DEFB134: variants seen among roughly 807,000 people sequenced by gnomAD.
DEFB134 encodes beta-defensin 134.
A neutral mutation model predicts 7.4 loss-of-function variants in DEFB134; 7 were observed. The ratio of observed to expected loss-of-function variants is 0.95; its 90% CI spans 0.54 to 1.79. The LOEUF (loss-of-function observed/expected upper bound fraction) is 1.79. Ranked by LOEUF, DEFB134 falls within the 40% of genes most tolerant of loss-of-function variation. DEFB134 has a pLI of 0.00. For synonymous variants in DEFB134, 33 were observed against 25.0 expected (o/e 1.32, Z -0.96); for missense variants, 105 against 74.8 (o/e 1.40, Z -1.49).
At chr8:11,996,401 C>A, upstream of DEFB134, 3 of 669,740 alleles carry the variant, frequency 4.5e-6, no homozygotes, top group South Asian at 2.6e-5. Context: ...CTGAACACCC[C>A]TGAGGCAGCC....
At chr8:11,999,053 A>G (rs940996082), upstream of DEFB134, 1 of 153,800 alleles carries the variant, frequency 6.5e-6, no homozygotes, top group Non-Finnish European at 1.5e-5. Context: ...AAAACCTACC[A>G]AACAGAAAAA....
At chr8:11,993,908 A>C in exon 2 of DEFB134, 1 of 1,562,690 alleles carries the variant, frequency 6.4e-7, no homozygotes, top group Non-Finnish European at 8.6e-7. Flanking sequence ...GTTTGATCTA[A>C]ATTCCCTGGT....
At chr8:11,993,719 C>G (rs112656470) in exon 2 of DEFB134, 5 of 349,284 alleles carry the variant, frequency 1.4e-5, no homozygotes, top group Non-Finnish European at 2.5e-5. Flanking sequence ...GAAACAGGTG[C>G]TGATGAGCAC....
chr8:12,000,021 T>A (rs368913255), upstream of DEFB134, among the ~76,000 whole-genome samples: 3 of 152,244 alleles, frequency 2.0e-5, no homozygotes, highest in African/African-American at 7.2e-5. Context: ...TGATCTGTGG[T>A]TGTTCTGCAA....
At chr8:11,993,944 G>A (rs923669300) in exon 2 of DEFB134, 1 of 1,600,966 alleles carries the variant, frequency 6.2e-7, no homozygotes, top group Non-Finnish European at 8.5e-7. Flanking sequence ...AGAATCAAGG[G>A]CCTACAGGAT....
upstream of DEFB134, among the ~76,000 whole-genome samples, chr8:11,998,450 TA>T (rs35767374): frequency 0.89 from 133,033 of 149,204 alleles, 59,389 homozygotes; most frequent in East Asian, 1. Flanking sequence ...GACGCTGTCT[TA>T]AAAAAAAAAT....
chr8:12,000,326 C>T (rs1032416025), upstream of DEFB134, among the ~76,000 whole-genome samples: 1 of 152,036 alleles, frequency 6.6e-6, no homozygotes, highest in Non-Finnish European at 1.5e-5. Flanking sequence ...CCATGACTGT[C>T]TTATTTATCA....
intron 1 of DEFB134, among the ~76,000 whole-genome samples, chr8:11,995,218 A>G (rs995116307): frequency 1.3e-5 from 2 of 152,230 alleles, no homozygotes; most frequent in African/African-American, 4.8e-5. Context: ...GGAATATTGT[A>G]CACTATATGG....
At chr8:12,000,417 G>C (rs986347554), upstream of DEFB134, among the ~76,000 whole-genome samples, 1 of 152,076 alleles carries the variant, frequency 6.6e-6, no homozygotes, top group Non-Finnish European at 1.5e-5. Flanking sequence ...ATGAACTCTA[G>C]ATATTAGGTT....
upstream of DEFB134, among the ~76,000 whole-genome samples, chr8:12,000,194 T>A (rs1176125227): frequency 6.6e-6 from 1 of 152,238 alleles, no homozygotes. Context: ...TGTGAAGAGA[T>A]GGTCCTCTTT....
intron 1 of DEFB134, 77 bp downstream of exon 2, chr8:11,996,117 G>A (rs1585092701): frequency 3.2e-6 from 5 of 1,540,782 alleles, no homozygotes; most frequent in South Asian, 2.3e-5. Flanking sequence ...CATGGGTGGT[G>A]TATGTTTATT....
chr8:11,997,067 C>T (rs773837867), upstream of DEFB134, among the ~76,000 whole-genome samples: 1 of 152,014 alleles, frequency 6.6e-6, no homozygotes, highest in Non-Finnish European at 1.5e-5. Flanking sequence ...TGTAATATTC[C>T]CCTCCTGATT....
Position 11,994,652 on chromosome 8 carries a change from A to G in DEFB134, c.59-530T>C, listed in dbSNP as rs373810366. On this transcript the variant is annotated intron_variant, in intron 1 of 1. Transcript: ENST00000526438. The stretch of plus-strand genomic sequence containing the variant: ...TTTGGAAGTTTCCCTGAATTTGTCA[A>G]TGAATATAACCCAAACAATCAAGCT... Among the ~76,000 whole-genome samples, 45 of 152,380 alleles carry G rather than the reference A, an allele frequency of 3.0e-4. No individual in the cohort carries two copies. The East Asian group carries it at 3.7e-3, about 12-fold the overall frequency.
At chr8:12,000,507 A>G (rs2150562259), upstream of DEFB134, among the ~76,000 whole-genome samples, 1 of 152,318 alleles carries the variant, frequency 6.6e-6, no homozygotes, top group Admixed American at 6.5e-5. Flanking sequence ...GATGCTTGAA[A>G]CAGTCGATAA....
upstream of DEFB134, chr8:11,999,350 G>T: frequency 4.6e-6 from 1 of 219,534 alleles, no homozygotes; most frequent in South Asian, 8.3e-5. Flanking sequence ...ATGCTCAGTG[G>T]GATACTGGCA....
chr8:11,998,834 C>G (rs543967812), upstream of DEFB134, among the ~76,000 whole-genome samples: 2 of 152,180 alleles, frequency 1.3e-5, no homozygotes, highest in South Asian at 4.2e-4. Flanking sequence ...AAAACACAAT[C>G]AGAAACGAGA....
intron 1 of DEFB134, among the ~76,000 whole-genome samples, chr8:11,995,331 G>T (rs1385201696): frequency 6.6e-6 from 1 of 152,154 alleles, no homozygotes; most frequent in Non-Finnish European, 1.5e-5. Context: ...CTTAAATTTA[G>T]CCTGGTGAGT....
exon 2 of DEFB134, chr8:11,993,669 C>A (rs527245627): frequency 1.4e-4 from 34 of 235,798 alleles, no homozygotes; most frequent in Non-Finnish European, 2.3e-4. Context: ...TCCCTTGAAG[C>A]CTTTCTAAAT....
upstream of DEFB134, among the ~76,000 whole-genome samples, chr8:11,997,308 C>T (rs1452368020): frequency 6.6e-6 from 1 of 152,160 alleles, no homozygotes; most frequent in African/African-American, 2.4e-5. Flanking sequence ...ATGTGTTTAT[C>T]CAGTCACGTA....
Sources: allele counts gnomAD v4.1 joint callset (sites outside exome capture counted in the v4.1 genomes callset), GRCh38; gene constraint gnomAD v4.1.1; transcripts MANE v1.5; gene names NCBI Gene and HGNC (gene_info 2026-07-23, HGNC 2026-07-21).